NOL10: variants seen among roughly 807,000 people sequenced by gnomAD.
The protein encoded by NOL10 is H_NH0074G24.1.
Under a neutral mutation model 103.5 loss-of-function variants are expected in NOL10, and 58 were observed. That is an observed-to-expected ratio of 0.56 (90% CI 0.45 to 0.70). The LOEUF is 0.70. NOL10 is among the 30% of genes least tolerant of loss of function. The probability of loss-of-function intolerance (pLI) is 0.00; values close to 1 mark genes in which losing one functional copy is unlikely to be tolerated. For synonymous variants in NOL10, 287 were observed against 282.5 expected (o/e 1.02, Z -0.16); for missense variants, 763 against 807.3 (o/e 0.95, Z 0.67).
intron 1 of NOL10, among the ~76,000 whole-genome samples, chr2:10,687,657 T>C (rs1190380784): frequency 6.6e-6 from 1 of 152,208 alleles, no homozygotes; most frequent in Non-Finnish European, 1.5e-5. Flanking sequence ...AAATGTTCAC[T>C]ATTGAAAATA....
chr2:10,679,600 C>CTTTCCTTTTTCTTTCCTCTCTCT (rs1558353046), intron 3 of NOL10, among the ~76,000 whole-genome samples: 1 of 148,544 alleles, frequency 6.7e-6, no homozygotes, highest in Non-Finnish European at 1.5e-5. Flanking sequence ...TTCCTCTCTC[C>CTTTCCTTTTTCTTTCCTCTCTCT]TTCCTCTCTT....
chr2:10,687,081 G>C (rs973333491), intron 1 of NOL10, among the ~76,000 whole-genome samples: 1 of 138,518 alleles, frequency 7.2e-6, no homozygotes, highest in African/African-American at 2.5e-5. Flanking sequence ...TTAATAAAAA[G>C]GTAAAGCCCA....
chr2:10,623,656 GCTCA>G (rs1427452273), intron 13 of NOL10, among the ~76,000 whole-genome samples: 2 of 152,110 alleles, frequency 1.3e-5, no homozygotes, highest in African/African-American at 2.4e-5. Flanking sequence ...CAGGAAAGAT[GCTCA>G]CTAAGTGTTT....
At chr2:10,581,133 C>G (rs543313782) in intron 19 of NOL10, among the ~76,000 whole-genome samples, 1 of 152,154 alleles carries the variant, frequency 6.6e-6, no homozygotes, top group Non-Finnish European at 1.5e-5. Context: ...CAGGCAACCA[C>G]GAAATCTGAT....
chr2:10,624,876 C>T (rs779197238), intron 13 of NOL10, among the ~76,000 whole-genome samples: 2 of 152,114 alleles, frequency 1.3e-5, no homozygotes, highest in Non-Finnish European at 2.9e-5. Context: ...AACCAAGAGG[C>T]CTTTCAATAG....
intron 17 of NOL10, among the ~76,000 whole-genome samples, chr2:10,590,511 T>C (rs1222487412): frequency 6.6e-6 from 1 of 152,194 alleles, no homozygotes; most frequent in Non-Finnish European, 1.5e-5. Flanking sequence ...GTAACTCACA[T>C]GGTGGGATGC....
chr2:10,664,689 C>T (rs944186165), intron 8 of NOL10, among the ~76,000 whole-genome samples: 1 of 152,146 alleles, frequency 6.6e-6, no homozygotes, highest in African/African-American at 2.4e-5. Context: ...ATGGTATGCA[C>T]CACGCCTGTC....
At chr2:10,637,222 CA>C (rs1678320056) in intron 13 of NOL10, among the ~76,000 whole-genome samples, 2 of 135,822 alleles carry the variant, frequency 1.5e-5, no homozygotes, top group Non-Finnish European at 3.2e-5. Flanking sequence ...AACACACACA[CA>C]CACTAAAACC....
chr2:10,667,214 T>C lies in NOL10; in HGVS notation c.591+4A>G. On this transcript the variant is annotated splice_donor_region_variant and intron_variant, in intron 8 of 20. Coordinates refer to ENST00000381685, the MANE Select transcript of NOL10 (RefSeq NM_024894.4). ...TCTAAAAAATAAAGTCAACATATGC[T>C]TACCTCTATGGTTCCTGTGGCAAAC... The C allele has an allele frequency of 6.4e-7, 1 of 1,571,458 alleles. No individual in the cohort carries two copies. The highest frequency in any genetic ancestry group is 2.3e-5 in the East Asian group (1 of 43,268).
intron 1 of NOL10, among the ~76,000 whole-genome samples, chr2:10,688,557 G>A (rs1682379937): frequency 6.6e-6 from 1 of 152,238 alleles, no homozygotes; most frequent in Non-Finnish European, 1.5e-5. Flanking sequence ...CTCTTGTAGA[G>A]AGGCCTTCCC....
chr2:10,678,400 G>A (rs1265897863), intron 3 of NOL10, among the ~76,000 whole-genome samples: 1 of 148,108 alleles, frequency 6.8e-6, no homozygotes, highest in Non-Finnish European at 1.5e-5. Context: ...TATTACTTTG[G>A]CCACTAGGGG....
chr2:10,687,532 A>C (rs1034010261), intron 1 of NOL10, among the ~76,000 whole-genome samples: 2 of 152,152 alleles, frequency 1.3e-5, no homozygotes, highest in Admixed American at 1.3e-4. Flanking sequence ...TTTCTCTCAC[A>C]ATTTGATCTC....
At chr2:10,662,163 A>C (rs1328798796) in intron 9 of NOL10, among the ~76,000 whole-genome samples, 1 of 152,252 alleles carries the variant, frequency 6.6e-6, no homozygotes, top group Non-Finnish European at 1.5e-5. Flanking sequence ...AAATAAATAC[A>C]ATAACAGTGC....
At chr2:10,613,430 A>T (rs555516880) in intron 13 of NOL10, among the ~76,000 whole-genome samples, 257 of 152,344 alleles carry the variant, frequency 1.7e-3, no homozygotes, top group African/African-American at 5.9e-3. Context: ...AATTTTTAAA[A>T]GGTTCTAGGA....
chr2:10,689,068 T>C (rs150510911), intron 1 of NOL10, among the ~76,000 whole-genome samples: 1 of 152,334 alleles, frequency 6.6e-6, no homozygotes, highest in African/African-American at 2.4e-5. Flanking sequence ...AAGGTAGTGC[T>C]CAGTGGTAGT....
chr2:10,688,703 A>C (rs1055840222), intron 1 of NOL10, among the ~76,000 whole-genome samples: 5 of 152,208 alleles, frequency 3.3e-5, no homozygotes, highest in African/African-American at 1.2e-4. Context: ...CTTTTCCCCA[A>C]CAGGGAACCT....
At chr2:10,599,717 G>T (rs1042453749) in intron 17 of NOL10, among the ~76,000 whole-genome samples, 1 of 152,146 alleles carries the variant, frequency 6.6e-6, no homozygotes, top group South Asian at 2.1e-4. Flanking sequence ...GAAAGACTAA[G>T]GAAGCAGAAG....
chr2:10,621,078 G>A (rs758525157), intron 13 of NOL10, among the ~76,000 whole-genome samples: 2 of 152,222 alleles, frequency 1.3e-5, no homozygotes, highest in Non-Finnish European at 2.9e-5. Context: ...ACAGGCGTGC[G>A]TCACTGTGCC....
intron 13 of NOL10, among the ~76,000 whole-genome samples, chr2:10,627,113 T>C (rs745632873): frequency 6.6e-6 from 1 of 152,204 alleles, no homozygotes; most frequent in Non-Finnish European, 1.5e-5. Context: ...CATTTCCCCT[T>C]TGTAAAGTCA....
Sources: allele counts gnomAD v4.1 joint callset (sites outside exome capture counted in the v4.1 genomes callset), GRCh38; gene constraint gnomAD v4.1.1; transcripts MANE v1.5; gene names NCBI Gene and HGNC (gene_info 2026-07-23, HGNC 2026-07-21).